PTPRD: variants seen among roughly 807,000 people sequenced by gnomAD.
PTPRD encodes protein tyrosine phosphatase receptor type D.
A neutral mutation model predicts 214.5 loss-of-function variants in PTPRD; 34 were observed. The ratio of observed to expected loss-of-function variants is 0.16; its 90% CI spans 0.12 to 0.21. The LOEUF is 0.21. PTPRD is among the 10% of genes least tolerant of loss of function. The pLI is 1.00. For missense variants in PTPRD, 2,545 were observed against 2,398.7 expected (o/e 1.06, Z -1.27); for synonymous variants, 1,128 against 845.7 (o/e 1.33, Z -5.79).
chr9:10,493,896 T>A (rs1589402688), intron 2 of PTPRD, among the ~76,000 whole-genome samples: 1 of 152,082 alleles, frequency 6.6e-6, no homozygotes, highest in South Asian at 2.1e-4. Context: ...TTAAGTTACA[T>A]GAACTAATAC....
intron 2 of PTPRD, among the ~76,000 whole-genome samples, chr9:10,366,571 T>C (rs1159676481): frequency 6.6e-6 from 1 of 152,192 alleles, no homozygotes; most frequent in African/African-American, 2.4e-5. Flanking sequence ...CTTTTACTGA[T>C]GTATGTAGAC....
intron 3 of PTPRD, among the ~76,000 whole-genome samples, chr9:10,056,461 G>C (rs1589879563): frequency 6.6e-6 from 1 of 150,770 alleles, no homozygotes; most frequent in Non-Finnish European, 1.5e-5. Flanking sequence ...AAAAACTATT[G>C]AATAAAGAAG....
chr9:8,676,213 T>C (rs1480758852), intron 12 of PTPRD, among the ~76,000 whole-genome samples: 1 of 152,116 alleles, frequency 6.6e-6, no homozygotes, highest in African/African-American at 2.4e-5. Flanking sequence ...CATCACCTTC[T>C]TCATGAAGCA....
chr9:8,609,819 G>T (rs2095376458), intron 14 of PTPRD, among the ~76,000 whole-genome samples: 1 of 152,082 alleles, frequency 6.6e-6, no homozygotes, highest in Non-Finnish European at 1.5e-5. Flanking sequence ...TTAATCATTT[G>T]ACTTTTTCCT....
chr9:8,347,952 G>C (rs560682787), intron 39 of PTPRD, among the ~76,000 whole-genome samples: 27 of 152,216 alleles, frequency 1.8e-4, no homozygotes, highest in Non-Finnish European at 7.4e-5. Flanking sequence ...GGAGTATTTT[G>C]TTATGGAAGC....
At chr9:10,108,959 C>T (rs927179331) in intron 3 of PTPRD, among the ~76,000 whole-genome samples, 7 of 151,814 alleles carry the variant, frequency 4.6e-5, no homozygotes, top group Non-Finnish European at 7.4e-5. Flanking sequence ...CAGATTCCCT[C>T]GCTTGAAAAC....
At chr9:10,511,989 CGT>C (rs778099702) in intron 2 of PTPRD, among the ~76,000 whole-genome samples, 33,137 of 100,016 alleles carry the variant, frequency 0.33, 5,725 homozygotes, top group South Asian at 0.47. Flanking sequence ...TATATATATA[CGT>C]GTGTGTATAT....
intron 10 of PTPRD, among the ~76,000 whole-genome samples, chr9:9,074,448 C>G (rs1591103407): frequency 6.6e-6 from 1 of 152,032 alleles, no homozygotes; most frequent in African/African-American, 2.4e-5. Flanking sequence ...AGGGTTGACA[C>G]TGGGATTATT....
chr9:8,726,569 TAAA>T (rs764810328), intron 12 of PTPRD, among the ~76,000 whole-genome samples: 34 of 1,978 alleles, frequency 0.017, no homozygotes, highest in African/African-American at 0.054. Flanking sequence ...CGGTCTCTAC[TAAA>T]AAAAAAAAAA....
intron 9 of PTPRD, among the ~76,000 whole-genome samples, chr9:9,346,667 T>C (rs1419839874): frequency 2.0e-5 from 3 of 152,130 alleles, no homozygotes; most frequent in Non-Finnish European, 4.4e-5. Flanking sequence ...ATTTGTACTA[T>C]TCTATTAAAT....
intron 2 of PTPRD, among the ~76,000 whole-genome samples, chr9:10,446,801 T>A (rs2098803189): frequency 6.6e-6 from 1 of 152,242 alleles, no homozygotes; most frequent in African/African-American, 2.4e-5. Flanking sequence ...GGAAACTGGA[T>A]CCATGAAGAG....
chr9:10,160,611 A>C (rs2154288386), intron 3 of PTPRD, among the ~76,000 whole-genome samples: 1 of 152,080 alleles, frequency 6.6e-6, no homozygotes, highest in East Asian at 1.9e-4. Context: ...CCAAGCCCAC[A>C]GCTAACCATT....
At chr9:10,166,606 G>T (rs750477392) in intron 3 of PTPRD, among the ~76,000 whole-genome samples, 1 of 151,956 alleles carries the variant, frequency 6.6e-6, no homozygotes, top group Non-Finnish European at 1.5e-5. Context: ...CATGTTCAAT[G>T]AAAAGCTATT....
At chr9:10,585,654 G>A (rs1356461379) in intron 2 of PTPRD, among the ~76,000 whole-genome samples, 1 of 151,894 alleles carries the variant, frequency 6.6e-6, no homozygotes, top group Non-Finnish European at 1.5e-5. Flanking sequence ...GAAATTTAAA[G>A]TATCTCTAAA....
chr9:10,385,118 T>C (rs1410422723), intron 2 of PTPRD, among the ~76,000 whole-genome samples: 1 of 151,882 alleles, frequency 6.6e-6, no homozygotes, highest in Non-Finnish European at 1.5e-5. Flanking sequence ...AGTATTAGGT[T>C]CTTCAAAGCT....
intron 12 of PTPRD, among the ~76,000 whole-genome samples, chr9:8,644,711 AC>A: frequency 6.6e-6 from 1 of 152,328 alleles, no homozygotes; most frequent in South Asian, 2.1e-4. Context: ...CTCACGGAGA[AC>A]TGGCAGCCAT....
intron 10 of PTPRD, among the ~76,000 whole-genome samples, chr9:9,049,895 T>A (rs1057176774): frequency 2.6e-5 from 4 of 152,206 alleles, no homozygotes; most frequent in African/African-American, 9.6e-5. Context: ...AACTTTGAGA[T>A]TAGAAACAAG....
intron 5 of PTPRD, among the ~76,000 whole-genome samples, chr9:9,823,662 T>G (rs1012643874): frequency 1.3e-5 from 2 of 152,102 alleles, no homozygotes; most frequent in Non-Finnish European, 2.9e-5. Flanking sequence ...CTCACTCATA[T>G]GTGTGAGTTA....
At chr9:9,565,565 T>G (rs554239347) in intron 8 of PTPRD, among the ~76,000 whole-genome samples, 1 of 152,044 alleles carries the variant, frequency 6.6e-6, no homozygotes, top group African/African-American at 2.4e-5. Context: ...TTTATTAATG[T>G]ATAAAAATGC....
Sources: gnomAD v4.1 joint callset for allele counts (sites outside exome capture counted in the v4.1 genomes callset) on GRCh38, gnomAD v4.1.1 for gene constraint, MANE v1.5 for transcripts, NCBI Gene and HGNC (gene_info 2026-07-23, HGNC 2026-07-21) for gene names.